Variants in TECRL observed in about 807,000 individuals in gnomAD.
TECRL encodes trans-2,3-enoyl-CoA reductase like, also known as trans-2,3-enoyl-CoA reductase-like.
Under a neutral mutation model 52.8 loss-of-function variants are expected in TECRL, and 63 were observed. That is an observed-to-expected ratio of 1.19 (90% CI 0.97 to 1.47). The LOEUF (loss-of-function observed/expected upper bound fraction) is 1.47, where lower values mean the gene tolerates loss of function less well. Among genes scored for constraint, TECRL ranks in the 40% most tolerant of loss-of-function variants. TECRL has a pLI of 0.00. For missense variants in TECRL, 482 were observed against 429.6 expected (o/e 1.12, Z -1.08); for synonymous variants, 164 against 141.9 (o/e 1.16, Z -1.10).
intron 9 of TECRL, among the ~76,000 whole-genome samples, chr4:64,281,975 T>C (rs541714783): frequency 6.6e-6 from 1 of 152,032 alleles, no homozygotes; most frequent in African/African-American, 2.4e-5. Context: ...TTTGAGATTA[T>C]TAAATACCTC....
intron 6 of TECRL, among the ~76,000 whole-genome samples, chr4:64,307,258 T>C (rs567512375): frequency 2.0e-5 from 3 of 152,224 alleles, no homozygotes; most frequent in Admixed American, 2.0e-4. Flanking sequence ...TACTTCAAGG[T>C]ATTTTCCAAG....
chr4:64,364,246 T>C (rs1411502710), intron 2 of TECRL, among the ~76,000 whole-genome samples: 1 of 152,030 alleles, frequency 6.6e-6, no homozygotes, highest in African/African-American at 2.4e-5. Flanking sequence ...CCAGAATCTC[T>C]AGGCCACAAC....
At position 64,409,182 on chromosome 4, in the gene TECRL, G is replaced by C; in HGVS notation, c.170C>G (p.Thr57Arg). Residue 57 changes from threonine (T) to arginine (R), a missense_variant, in exon 1 of 12, where the codon ACG (threonine) becomes AGG (arginine). Transcript: ENST00000381210. ...AAATATTTCAATCTCAAAGTGAGTC[G>C]TTTTTGAATGTTTGACTGCTGGAGT... is the stretch of plus-strand genomic sequence containing the variant. ...RPTPAVKHSK[T>R]THFEIEIFDA... 6.2e-7 allele frequency: 1 copy of C among 1,613,652 alleles called. No individual in the cohort carries two copies. The highest frequency in any genetic ancestry group is 8.5e-7 in the Non-Finnish European group (1 of 1,179,802).
At chr4:64,286,708 G>A (rs1041685506) in intron 9 of TECRL, among the ~76,000 whole-genome samples, 12 of 152,010 alleles carry the variant, frequency 7.9e-5, no homozygotes, top group African/African-American at 1.7e-4. Flanking sequence ...AGAGAATTAG[G>A]TTGGCATCTG....
At chr4:64,308,480 G>T (rs1336239162) in intron 6 of TECRL, among the ~76,000 whole-genome samples, 1 of 152,136 alleles carries the variant, frequency 6.6e-6, no homozygotes, top group African/African-American at 2.4e-5. Flanking sequence ...ACCCCAGGGG[G>T]ATCTCTACCC....
intron 1 of TECRL, among the ~76,000 whole-genome samples, chr4:64,390,144 T>C (rs1723450544): frequency 6.6e-6 from 1 of 151,902 alleles, no homozygotes; most frequent in African/African-American, 2.4e-5. Flanking sequence ...GCTACAATTA[T>C]TCCAACTGAA....
In TECRL at chr4:64,369,677, TATATA is replaced by T. The variant is rs1470206734; in HGVS notation, c.286+5490_286+5494del. Among the ~76,000 whole-genome samples, 8 of 151,968 alleles carry T rather than the reference TATATA, an allele frequency of 5.3e-5. No homozygotes were observed. In the East Asian group the frequency reaches 1.3e-3, roughly 26 times the overall value. ...ATTAGCTGCGTGACCTGGGGCAAGTTATATAATATTTCTTTAAAGATTTTTATCTG... is the reference window on the plus strand; with the variant it reads ...ATTAGCTGCGTGACCTGGGGCAAGTTATATTTCTTTAAAGATTTTTATCTG... On this transcript the variant is annotated intron_variant, in intron 2 of 11. Coordinates refer to ENST00000381210, the MANE Select transcript of TECRL (RefSeq NM_001010874.5).
At chr4:64,380,564 C>A (rs1379459105) in intron 1 of TECRL, among the ~76,000 whole-genome samples, 2 of 151,932 alleles carry the variant, frequency 1.3e-5, no homozygotes, top group African/African-American at 2.4e-5. Flanking sequence ...AATCAATTTT[C>A]AGTTGAGTTT....
chr4:64,310,075 TTA>T, intron 5 of TECRL, 144 bp from the exon 6 acceptor site: 1 of 535,528 alleles, frequency 1.9e-6, no homozygotes, highest in Non-Finnish European at 3.3e-6. Flanking sequence ...AATACTTGCT[TTA>T]ATATTTTATT....
intron 5 of TECRL, among the ~76,000 whole-genome samples, chr4:64,312,832 A>G (rs1431148956): frequency 2.0e-5 from 3 of 151,806 alleles, no homozygotes; most frequent in African/African-American, 4.8e-5. Context: ...AACTTTTTTC[A>G]TGCTCTGCTA....
At chr4:64,352,767 A>G (rs1357618671) in intron 2 of TECRL, among the ~76,000 whole-genome samples, 4 of 152,274 alleles carry the variant, frequency 2.6e-5, no homozygotes, top group Non-Finnish European at 5.9e-5. Context: ...GCATATGCAT[A>G]AGAAAATATC....
intron 9 of TECRL, among the ~76,000 whole-genome samples, chr4:64,285,743 A>T (rs1351790775): frequency 6.6e-6 from 1 of 152,154 alleles, no homozygotes. Flanking sequence ...GAATACAATT[A>T]TCTGAAATTA....
chr4:64,288,632 G>A (rs1472140671), intron 9 of TECRL, among the ~76,000 whole-genome samples: 1 of 152,122 alleles, frequency 6.6e-6, no homozygotes, highest in East Asian at 1.9e-4. Flanking sequence ...TGGTTGGACT[G>A]AGAAGAAGCT....
At chr4:64,309,469 C>T (rs1242649824) in intron 6 of TECRL, among the ~76,000 whole-genome samples, 1 of 152,064 alleles carries the variant, frequency 6.6e-6, no homozygotes, top group Non-Finnish European at 1.5e-5. Flanking sequence ...TATAGTATCA[C>T]CATTTTAATC....
chr4:64,330,911 C>A (rs146609200), intron 2 of TECRL, among the ~76,000 whole-genome samples: 2 of 151,934 alleles, frequency 1.3e-5, no homozygotes, highest in South Asian at 2.1e-4. Context: ...AATATAGACA[C>A]GCATATAACT....
chr4:64,325,510 T>C (rs1718202556), intron 3 of TECRL, among the ~76,000 whole-genome samples: 1 of 152,164 alleles, frequency 6.6e-6, no homozygotes, highest in Non-Finnish European at 1.5e-5. Flanking sequence ...AGCCATAATA[T>C]GGCTTCAATC....
In TECRL at chr4:64,339,808, ATAAT is replaced by A. The variant is rs151100572; in HGVS notation, c.287-11256_287-11253del. Among the ~76,000 whole-genome samples, 1,348 of 152,226 alleles carry A rather than the reference ATAAT, an allele frequency of 8.9e-3. 17 individuals carry two copies. The highest frequency in any genetic ancestry group is 0.031 in the African/African-American group (1,282 of 41,530). On this transcript the variant is annotated intron_variant, in intron 2 of 11. Coordinates refer to ENST00000381210, the MANE Select transcript of TECRL (RefSeq NM_001010874.5). The stretch of plus-strand genomic sequence containing the variant: ...CTCTCCTTTCTGCTTATTTACACTA[ATAAT>A]TCTCTCTAAAACATTCCTTGATTTT...
intron 7 of TECRL, among the ~76,000 whole-genome samples, chr4:64,300,370 A>G (rs1228136001): frequency 2.0e-5 from 3 of 150,930 alleles, no homozygotes; most frequent in Non-Finnish European, 4.5e-5. Flanking sequence ...TTAATGTTTA[A>G]CAATAAAAAG....
chr4:64,393,694 C>A (rs1347386078), intron 1 of TECRL, among the ~76,000 whole-genome samples: 1 of 151,410 alleles, frequency 6.6e-6, no homozygotes, highest in African/African-American at 2.4e-5. Context: ...TATAATGAAT[C>A]TAATATATTT....
Sources: allele counts gnomAD v4.1 joint callset (sites outside exome capture counted in the v4.1 genomes callset), GRCh38; gene constraint gnomAD v4.1.1; transcripts MANE v1.5; gene names NCBI Gene and HGNC (gene_info 2026-07-23, HGNC 2026-07-21).